Variants in DCC observed in about 807,000 individuals in gnomAD.
The protein encoded by DCC is netrin receptor DCC.
Under a neutral mutation model 172.5 loss-of-function variants are expected in DCC, and 58 were observed. That is an observed-to-expected ratio of 0.34 (90% confidence interval 0.27 to 0.42). The LOEUF (loss-of-function observed/expected upper bound fraction) is 0.42. DCC is among the 10% of genes least tolerant of loss of function. The pLI, the probability that DCC is intolerant of heterozygous loss-of-function variation, is 1.00. For synonymous variants in DCC, 709 were observed against 644.5 expected, an observed-to-expected ratio of 1.10 and a Z score of -1.52; for missense variants, 1,740 against 1,791.0, an observed-to-expected ratio of 0.97 and a Z score of 0.51.
At chr18:52,495,671 T>C (rs1172948950) in intron 1 of DCC, among the ~76,000 whole-genome samples, 1 of 152,142 alleles carries the variant, frequency 6.6e-6, no homozygotes, top group Non-Finnish European at 1.5e-5. Context: ...GTAAATCATC[T>C]TAAGGGTGTT....
chr18:52,672,281 A>G (rs2035568052), intron 1 of DCC, among the ~76,000 whole-genome samples: 1 of 152,192 alleles, frequency 6.6e-6, no homozygotes, highest in Non-Finnish European at 1.5e-5. Flanking sequence ...ATTAAAAGCA[A>G]TATGTGTGTA....
intron 1 of DCC, among the ~76,000 whole-genome samples, chr18:52,450,759 T>A (rs1310032227): frequency 6.6e-6 from 1 of 152,206 alleles, no homozygotes; most frequent in East Asian, 1.9e-4. Flanking sequence ...ATTTTATAAA[T>A]GAATGAACCA....
At chr18:52,809,763 C>T (rs764402894) in intron 2 of DCC, among the ~76,000 whole-genome samples, 3 of 152,172 alleles carry the variant, frequency 2.0e-5, no homozygotes, top group Admixed American at 6.5e-5. Context: ...AGCTCCCATA[C>T]AATGAGAGGG....
At chr18:53,213,082 A>G (rs923577052) in intron 11 of DCC, among the ~76,000 whole-genome samples, 2 of 152,206 alleles carry the variant, frequency 1.3e-5, no homozygotes, top group African/African-American at 4.8e-5. Context: ...TTGGCTTTCT[A>G]GAAATAAGGA....
intron 2 of DCC, among the ~76,000 whole-genome samples, chr18:52,877,496 C>T (rs1251733922): frequency 6.6e-6 from 1 of 151,988 alleles, no homozygotes; most frequent in Non-Finnish European, 1.5e-5. Context: ...ATCACTTCAG[C>T]CCAGGAGTTC....
At chr18:52,887,318 T>TA (rs372894367) in intron 2 of DCC, among the ~76,000 whole-genome samples, 28 of 151,626 alleles carry the variant, frequency 1.8e-4, no homozygotes, top group South Asian at 4.2e-4. Flanking sequence ...TTTTTTTTTT[T>TA]AAACTATCAT....
At chr18:52,545,747 G>A (rs1462177246) in intron 1 of DCC, among the ~76,000 whole-genome samples, 5 of 152,156 alleles carry the variant, frequency 3.3e-5, no homozygotes, top group African/African-American at 1.2e-4. Context: ...CTTGAGACCA[G>A]GGGTCATATA....
intron 1 of DCC, among the ~76,000 whole-genome samples, chr18:52,606,306 T>C (rs1409975348): frequency 3.9e-5 from 6 of 152,042 alleles, no homozygotes; most frequent in African/African-American, 1.4e-4. Flanking sequence ...AATTTTCTAG[T>C]CTATTAAAAA....
At chr18:52,488,447 C>T (rs1198916461) in intron 1 of DCC, among the ~76,000 whole-genome samples, 1 of 151,958 alleles carries the variant, frequency 6.6e-6, no homozygotes, top group African/African-American at 2.4e-5. Flanking sequence ...TGAGGTAGGA[C>T]TGTATGATGA....
chr18:52,458,687 A>G (rs1384881067), intron 1 of DCC, among the ~76,000 whole-genome samples: 1 of 152,136 alleles, frequency 6.6e-6, no homozygotes, highest in Non-Finnish European at 1.5e-5. Flanking sequence ...GCTTGACTAT[A>G]TTCCTTATCT....
intron 12 of DCC, among the ~76,000 whole-genome samples, chr18:53,244,091 G>C (rs142956060): frequency 4.1e-4 from 63 of 152,240 alleles, no homozygotes; most frequent in African/African-American, 1.4e-3. Context: ...GATGTAACCA[G>C]ATGTGACGGA....
chr18:52,792,824 TATTCCATTCTATTCC>T (rs2037800561), intron 2 of DCC, among the ~76,000 whole-genome samples: 1 of 137,180 alleles, frequency 7.3e-6, no homozygotes, highest in African/African-American at 2.7e-5. Flanking sequence ...AATTCCATTC[TATTCCATTCTATTCC>T]ATTCCATTCC....
chr18:53,453,303 T>G (rs984732285), intron 23 of DCC, among the ~76,000 whole-genome samples: 1 of 152,200 alleles, frequency 6.6e-6, no homozygotes, highest in African/African-American at 2.4e-5. Flanking sequence ...AACTGGATAA[T>G]GCAGGTGAAA....
chr18:52,905,813 T>A (rs2039873891), intron 2 of DCC, among the ~76,000 whole-genome samples: 1 of 152,208 alleles, frequency 6.6e-6, no homozygotes, highest in Non-Finnish European at 1.5e-5. Context: ...TATTTACCAA[T>A]AAATAAGCTT....
intron 1 of DCC, among the ~76,000 whole-genome samples, chr18:52,487,200 C>A (rs1470078218): frequency 2.0e-5 from 3 of 151,966 alleles, no homozygotes; most frequent in Non-Finnish European, 4.4e-5. Flanking sequence ...GCAGTCTTTG[C>A]CAAACTGTGG....
At chr18:52,875,158 C>T (rs2039384238) in intron 2 of DCC, among the ~76,000 whole-genome samples, 1 of 152,000 alleles carries the variant, frequency 6.6e-6, no homozygotes, top group South Asian at 2.1e-4. Flanking sequence ...AGTAATTTCT[C>T]ACCACCCAGA....
chr18:53,367,584 T>C (rs2058019890), intron 15 of DCC, among the ~76,000 whole-genome samples: 1 of 152,174 alleles, frequency 6.6e-6, no homozygotes. Context: ...TTAAACACAC[T>C]TGTAATGTTG....
At chr18:53,390,824 C>G (rs1908501011) in intron 16 of DCC, among the ~76,000 whole-genome samples, 1 of 152,096 alleles carries the variant, frequency 6.6e-6, no homozygotes, top group Admixed American at 6.5e-5. Context: ...GGTAGTTAAT[C>G]CTGTCTTGCC....
At chr18:53,239,575 T>G (rs2056258081) in intron 12 of DCC, among the ~76,000 whole-genome samples, 1 of 152,170 alleles carries the variant, frequency 6.6e-6, no homozygotes, top group South Asian at 2.1e-4. Context: ...CACAGGGGCT[T>G]ACATCACTGG....
Sources: gnomAD v4.1 joint callset for allele counts (sites outside exome capture counted in the v4.1 genomes callset) on GRCh38, gnomAD v4.1.1 for gene constraint, MANE v1.5 for transcripts, NCBI Gene and HGNC (gene_info 2026-07-23, HGNC 2026-07-21) for gene names.